Variants in PMEPA1 observed in about 807,000 individuals in gnomAD.
The protein encoded by PMEPA1 is protein TMEPAI.
Under a neutral mutation model 23.0 loss-of-function variants are expected in PMEPA1, and 11 were observed. The observed-to-expected ratio is 0.48, with a 90% CI of 0.30 to 0.79. PMEPA1 has a LOEUF of 0.79. Among genes scored for constraint, PMEPA1 ranks in the 30% least tolerant of loss-of-function variants. The pLI is 0.06. For synonymous variants in PMEPA1, 204 were observed against 166.4 expected, an observed-to-expected ratio of 1.23 and a Z score of -1.74; for missense variants, 377 against 390.9, an observed-to-expected ratio of 0.96 and a Z score of 0.30.
chr20:57,653,215 C>T (rs911413375), intron 2 of PMEPA1, 129 bp from the exon 3 acceptor site: 112 of 766,794 alleles, frequency 1.5e-4, no homozygotes, highest in Middle Eastern at 2.3e-4. Flanking sequence ...CTCTCTGCAT[C>T]GGAACCAGCT....
At chr20:57,708,472 T>C (rs2072118167) in intron 1 of PMEPA1, among the ~76,000 whole-genome samples, 2 of 152,142 alleles carry the variant, frequency 1.3e-5, no homozygotes, top group Non-Finnish European at 1.5e-5. Flanking sequence ...GACTTACTTA[T>C]CTGAACTTTT....
At chr20:57,684,066 C>T (rs1051137755) in intron 1 of PMEPA1, among the ~76,000 whole-genome samples, 4 of 152,194 alleles carry the variant, frequency 2.6e-5, no homozygotes, top group South Asian at 2.1e-4. Context: ...AGGTTAGACT[C>T]GCTTCATCTG....
chr20:57,700,232 C>T, intron 1 of PMEPA1: 1 of 456,348 alleles, frequency 2.2e-6, no homozygotes, highest in South Asian at 1.6e-5. Flanking sequence ...ACAGACCCCT[C>T]CACAGGCCCA....
At chr20:57,684,941 C>T (rs1010331491) in intron 1 of PMEPA1, among the ~76,000 whole-genome samples, 2 of 151,944 alleles carry the variant, frequency 1.3e-5, no homozygotes, top group Non-Finnish European at 2.9e-5. Context: ...ATAAAATTAG[C>T]ACAGTCAAGT....
At chr20:57,687,133 G>A (rs771686532) in intron 1 of PMEPA1, among the ~76,000 whole-genome samples, 18 of 152,260 alleles carry the variant, frequency 1.2e-4, no homozygotes, top group Non-Finnish European at 2.2e-4. Context: ...TGCCCCAGAC[G>A]TGGATGTGTA....
chr20:57,687,912 TG>T (rs1351711894), intron 1 of PMEPA1, among the ~76,000 whole-genome samples: 4 of 152,098 alleles, frequency 2.6e-5, no homozygotes, highest in Non-Finnish European at 4.4e-5. Context: ...CTCTAGTCTA[TG>T]GGTTCCCTGT....
intron 1 of PMEPA1, among the ~76,000 whole-genome samples, 157 bp from the exon 2 acceptor site, chr20:57,659,854 A>G (rs1196454747): frequency 1.3e-5 from 2 of 152,238 alleles, no homozygotes; most frequent in Non-Finnish European, 2.9e-5. Context: ...GTCACAGGCG[A>G]TGCCTGGGGC....
At chr20:57,690,694 G>GCCAGATCTTC in intron 1 of PMEPA1, 2 of 685,188 alleles carry the variant, frequency 2.9e-6, no homozygotes, top group Non-Finnish European at 4.1e-6. Flanking sequence ...TGCAGATGAA[G>GCCAGATCTTC]ATCTGGCTTC....
chr20:57,673,980 C>T (rs375670833), intron 1 of PMEPA1, among the ~76,000 whole-genome samples: 3 of 152,206 alleles, frequency 2.0e-5, no homozygotes, highest in African/African-American at 2.4e-5. Flanking sequence ...CAAAGCCTGA[C>T]AAGTGGTGGC....
intron 1 of PMEPA1, 42 bp from the exon 2 acceptor site, chr20:57,659,739 C>T (rs2071386324): frequency 7.1e-6 from 11 of 1,542,748 alleles, no homozygotes; most frequent in African/African-American, 1.4e-5. Context: ...TGGACACCTG[C>T]AGGTCGCTGT....
intron 1 of PMEPA1, among the ~76,000 whole-genome samples, chr20:57,699,796 C>G (rs1173497823): frequency 6.6e-6 from 1 of 152,228 alleles, no homozygotes; most frequent in South Asian, 2.1e-4. Flanking sequence ...CGGGGCAAAG[C>G]TGGGAGAAGG....
intron 1 of PMEPA1, among the ~76,000 whole-genome samples, chr20:57,671,780 T>C (rs1273626774): frequency 6.6e-6 from 1 of 152,188 alleles, no homozygotes; most frequent in Non-Finnish European, 1.5e-5. Flanking sequence ...CAGCAGGGTG[T>C]TCAGCAGCAA....
chr20:57,649,947 G>A lies in PMEPA1; in HGVS notation c.*2106C>T, dbSNP rs1027647438. 6.6e-6 allele frequency: 1 copy of A among 152,606 alleles called. No individual in the cohort carries two copies. Among genetic ancestry groups the A allele is most frequent in the Non-Finnish European group, 1.5e-5 (1 of 68,032 alleles). 9.5% of individuals were successfully genotyped at this position (152,606 alleles called of 1,614,324 possible). Reference sequence around the variant, plus strand: ...ACGTTTTAATCATCTTTACAAGTGCGTCCTTGTACCTTTCGGGATAACCTG... The same window carrying A: ...ACGTTTTAATCATCTTTACAAGTGCATCCTTGTACCTTTCGGGATAACCTG... On this transcript the variant is annotated 3_prime_UTR_variant, in exon 4 of 4. Transcript: ENST00000341744.
intron 1 of PMEPA1, among the ~76,000 whole-genome samples, chr20:57,707,348 A>G (rs1319094815): frequency 6.6e-6 from 1 of 152,176 alleles, no homozygotes. Context: ...ACAAACTGTT[A>G]CAGTATACCT....
At chr20:57,661,876 C>A (rs567865787) in intron 1 of PMEPA1, among the ~76,000 whole-genome samples, 1 of 152,288 alleles carries the variant, frequency 6.6e-6, no homozygotes, top group African/African-American at 2.4e-5. Context: ...TCTTCCCCAA[C>A]AGGTTTTCCA....
At chr20:57,691,966 A>T (rs893307797) in intron 1 of PMEPA1, 4 of 152,200 alleles carry the variant, frequency 2.6e-5, no homozygotes, top group African/African-American at 9.7e-5. Context: ...TGCAGGCCTC[A>T]TTCTCACATC....
intron 1 of PMEPA1, chr20:57,690,340 A>G (rs1707469134): frequency 1.1e-6 from 1 of 928,256 alleles, no homozygotes; most frequent in Non-Finnish European, 1.5e-6. Context: ...CCCGCCCTGC[A>G]TCAGCGCTAC....
intron 1 of PMEPA1, among the ~76,000 whole-genome samples, chr20:57,673,511 C>A (rs1487157639): frequency 6.6e-6 from 1 of 152,200 alleles, no homozygotes. Flanking sequence ...CCGGCATGAG[C>A]CCGGCATGCA....
intron 1 of PMEPA1, 128 bp downstream of exon 1, chr20:57,709,346 C>A: frequency 1.7e-6 from 1 of 574,562 alleles, no homozygotes; most frequent in Non-Finnish European, 2.2e-6. Context: ...GCGCGGCGGG[C>A]GCTGCCCGGG....
Sources: allele counts gnomAD v4.1 joint callset (sites outside exome capture counted in the v4.1 genomes callset), GRCh38; gene constraint gnomAD v4.1.1; transcripts MANE v1.5; gene names NCBI Gene and HGNC (gene_info 2026-07-23, HGNC 2026-07-21).